Variants in VSIG1 observed in about 807,000 individuals in gnomAD.
The protein encoded by VSIG1 is V-set and immunoglobulin domain containing 1.
Under a neutral mutation model 20.1 loss-of-function variants are expected in VSIG1, and 11 were observed. The observed-to-expected ratio is 0.55, with a 90% CI of 0.34 to 0.91. VSIG1 has a LOEUF of 0.91. Among genes scored for constraint, VSIG1 ranks in the 40% least tolerant of loss-of-function variants. The pLI, the probability that VSIG1 is intolerant of heterozygous loss-of-function variation, is 0.02. For missense variants in VSIG1, 283 were observed against 298.8 expected, an observed-to-expected ratio of 0.95 and a Z score of 0.39; for synonymous variants, 126 against 116.7, an observed-to-expected ratio of 1.08 and a Z score of -0.52.
upstream of VSIG1, among the ~76,000 whole-genome samples, chrX:108,043,180 G>GACA (rs904031704): frequency 5.4e-5 from 6 of 111,553 alleles, no homozygotes; most frequent in African/African-American, 1.3e-4. Context: ...GGAAATGAAA[G>GACA]GAACGTTCTT....
At chrX:108,063,258 C>T (rs2031063786) in intron 2 of VSIG1, among the ~76,000 whole-genome samples, 1 of 111,396 alleles carries the variant, frequency 9.0e-6, no homozygotes, top group African/African-American at 3.3e-5. Flanking sequence ...GAGAAGGTTG[C>T]CCAGGAATCA....
At chrX:108,054,520 C>T (rs892718226) in intron 1 of VSIG1, among the ~76,000 whole-genome samples, 1 of 110,865 alleles carries the variant, frequency 9.0e-6, no homozygotes, top group Non-Finnish European at 1.9e-5. Flanking sequence ...GCAGAACACA[C>T]TTTTTTTTGG....
At chrX:108,061,488 A>G in intron 2 of VSIG1, 1 of 1,167,236 alleles carries the variant, frequency 8.6e-7, no homozygotes, top group Non-Finnish European at 1.1e-6. Flanking sequence ...GTGTCTAAAA[A>G]TGACGCACGC....
chrX:108,047,152 G>C (rs1025310766), intron 1 of VSIG1, among the ~76,000 whole-genome samples: 43 of 111,176 alleles, frequency 3.9e-4, no homozygotes, highest in Non-Finnish European at 2.8e-4. Context: ...TCACTTTTTG[G>C]TGTTAAGCGT....
chrX:108,047,796 A>C lies in VSIG1; in HGVS notation c.49+2617A>C, dbSNP rs1049448324. On this transcript the variant is annotated intron_variant, in intron 1 of 6. Transcript: ENST00000217957. ...TCTCTCTCTCTCTCTCTCTCTATAT[A>C]TATATATATATACATATATATATAC... 2.2e-3 allele frequency among the ~76,000 whole-genome samples: 171 copies of C among 78,671 alleles called. 5 individuals are homozygous for C. Among genetic ancestry groups the C allele is most frequent in the African/African-American group, 6.6e-3 (126 of 19,161 alleles). The allele number at this position is 78,671 out of a possible 115,157, so 68.3% of individuals were successfully genotyped here. A position where few individuals can be genotyped will look rare whatever the true frequency, so the allele number is the denominator to read the frequency against.
At chrX:108,071,134 C>T (rs1413466688) in intron 3 of VSIG1, among the ~76,000 whole-genome samples, 1 of 111,438 alleles carries the variant, frequency 9.0e-6, no homozygotes, top group Non-Finnish European at 1.9e-5. Flanking sequence ...GTTACAAAGC[C>T]CGTATTCTGT....
chrX:108,069,658 A>G (rs1458926088), intron 3 of VSIG1, among the ~76,000 whole-genome samples: 1 of 111,654 alleles, frequency 9.0e-6, no homozygotes, highest in Non-Finnish European at 1.9e-5. Flanking sequence ...AATCCCATGC[A>G]TTTACTCGTT....
At chrX:108,073,214 A>C (rs2031285355) in intron 4 of VSIG1, 36 bp from the exon 5 acceptor site, 1 of 1,204,300 alleles carries the variant, frequency 8.3e-7, no homozygotes, top group African/African-American at 1.8e-5. Context: ...GTATGCACAG[A>C]AGAGATCTCA....
intron 1 of VSIG1, among the ~76,000 whole-genome samples, chrX:108,047,845 CAT>C (rs376971631): frequency 0.089 from 2,397 of 26,953 alleles, 348 homozygotes; most frequent in Middle Eastern, 0.12. Flanking sequence ...TATATATATA[CAT>C]ATATATATAC....
chrX:108,027,969 CTTTTATAT>C, the VSIG1 span, among the ~76,000 whole-genome samples: 3 of 111,080 alleles, frequency 2.7e-5, no homozygotes, highest in Non-Finnish European at 5.7e-5. Flanking sequence ...TTGATCATCC[CTTTTATAT>C]ATAAACCAAA....
At chrX:108,047,843 TACATATATATATAC>T (rs1569287090) in intron 1 of VSIG1, among the ~76,000 whole-genome samples, 4 of 33,880 alleles carry the variant, frequency 1.2e-4, no homozygotes, top group Non-Finnish European at 1.7e-4. Flanking sequence ...CATATATATA[TACATATATATATAC>T]ACATATATAT....
chrX:108,026,794 G>C, the VSIG1 span, among the ~76,000 whole-genome samples: 164 of 111,703 alleles, frequency 1.5e-3, no homozygotes, highest in Non-Finnish European at 2.4e-3. Context: ...AGATCAGAGA[G>C]AGGCAGATAA....
chrX:108,034,845 T>G, the VSIG1 span, among the ~76,000 whole-genome samples: 1 of 111,535 alleles, frequency 9.0e-6, no homozygotes, highest in Non-Finnish European at 1.9e-5. Context: ...GATTCTAGAG[T>G]CCATATTCTT....
upstream of VSIG1, among the ~76,000 whole-genome samples, chrX:108,042,825 A>G (rs1260139884): frequency 8.9e-6 from 1 of 111,755 alleles, no homozygotes; most frequent in Non-Finnish European, 1.9e-5. Flanking sequence ...GCATTGCCTA[A>G]TTCTCCTGGT....
chrX:108,076,234 G>T lies in VSIG1; in HGVS notation c.830+16G>T, dbSNP rs748636375. The T allele has an allele frequency of 8.3e-7, 1 of 1,201,613 alleles. No individual in the cohort carries two copies. Among genetic ancestry groups the T allele is most frequent in the Non-Finnish European group, 1.1e-6 (1 of 889,400 alleles). ...CGGAACTTGAGTAAGCCTTCATTTTGTTGTCTTTACTTGAATACAAACATT... is the reference window on the plus strand; with the variant it reads ...CGGAACTTGAGTAAGCCTTCATTTTTTTGTCTTTACTTGAATACAAACATT... On this transcript the variant is annotated intron_variant, in intron 6 of 6. Coordinates refer to ENST00000217957, the MANE Select transcript of VSIG1 (RefSeq NM_182607.5).
chrX:108,066,626 G>A (rs2031132320), intron 2 of VSIG1, among the ~76,000 whole-genome samples: 1 of 111,857 alleles, frequency 8.9e-6, no homozygotes. Flanking sequence ...CATTAAGTGA[G>A]CATCTTGATC....
In VSIG1 at chrX:108,076,085, G is replaced by A. The variant is rs368609112; in HGVS notation, c.697G>A (p.Val233Ile). ...EIDLTSSHPE[V>I]GIIVGALIGS... ...CTGCTTGTATCCTTCAGATCCAGAA[G>A]TTGGAATCATTGTTGGGGCCTTGAT... The change falls in exon 6 of 7, where the codon GTT (valine) becomes ATT (isoleucine). Residue 233 changes from valine to isoleucine, a missense_variant. By Grantham distance (29) the Val-to-Ile change is conservative. Transcript: ENST00000217957. 9.9e-6 allele frequency: 12 copies of A among 1,211,147 alleles called. No homozygotes were observed. Among genetic ancestry groups the A allele is most frequent in the Non-Finnish European group, 1.3e-5 (12 of 895,166 alleles).
intron 1 of VSIG1, among the ~76,000 whole-genome samples, chrX:108,047,995 T>TATATATATACAC (rs2030695704): frequency 1.4e-5 from 1 of 71,007 alleles, no homozygotes; most frequent in Non-Finnish European, 2.5e-5. Context: ...TATATATATA[T>TATATATATACAC]ATATATACAC....
intron 1 of VSIG1, among the ~76,000 whole-genome samples, chrX:108,046,103 T>A (rs1343488977): frequency 8.9e-6 from 1 of 111,887 alleles, no homozygotes; most frequent in East Asian, 2.8e-4. Flanking sequence ...GGATTATAGA[T>A]GATTTTAATT....
Sources: allele counts gnomAD v4.1 joint callset (sites outside exome capture counted in the v4.1 genomes callset), GRCh38; gene constraint gnomAD v4.1.1; transcripts MANE v1.5; gene names NCBI Gene and HGNC (gene_info 2026-07-23, HGNC 2026-07-21).